Variants in LMX1A observed in about 807,000 individuals in gnomAD.
LMX1A encodes the protein LIM homeobox transcription factor 1 alpha.
A neutral mutation model predicts 49.1 loss-of-function variants in LMX1A; 15 were observed. The ratio of observed to expected loss-of-function variants is 0.31; its 90% CI spans 0.20 to 0.47. The LOEUF (loss-of-function observed/expected upper bound fraction) is 0.47. LMX1A is among the 20% of genes least tolerant of loss of function. The probability of loss-of-function intolerance (pLI) is 1.00; values close to 1 mark genes in which losing one functional copy is unlikely to be tolerated. For synonymous variants in LMX1A, 167 were observed against 185.7 expected, an observed-to-expected ratio of 0.90 and a Z score of 0.82; for missense variants, 372 against 475.8, an observed-to-expected ratio of 0.78 and a Z score of 2.03.
At chr1:165,292,774 A>G (rs1268300053) in intron 3 of LMX1A, among the ~76,000 whole-genome samples, 5 of 152,196 alleles carry the variant, frequency 3.3e-5, no homozygotes, top group Admixed American at 3.3e-4. Context: ...TTTCCACTCT[A>G]GTCTGTTGTC....
At chr1:165,230,669 A>C (rs1201775890) in intron 4 of LMX1A, among the ~76,000 whole-genome samples, 2 of 152,376 alleles carry the variant, frequency 1.3e-5, no homozygotes, top group African/African-American at 4.8e-5. Flanking sequence ...TCTGAGAATA[A>C]AGAAACTTGG....
intron 8 of LMX1A, among the ~76,000 whole-genome samples, chr1:165,204,609 A>C (rs1471742666): frequency 6.6e-6 from 1 of 152,226 alleles, no homozygotes; most frequent in Admixed American, 6.5e-5. Flanking sequence ...CAGCTGAGAA[A>C]TCACTGCAAC....
intron 3 of LMX1A, among the ~76,000 whole-genome samples, chr1:165,284,613 A>C (rs996034067): frequency 6.6e-6 from 1 of 152,234 alleles, no homozygotes; most frequent in Non-Finnish European, 1.5e-5. Flanking sequence ...AGCTGATATT[A>C]GCGAGCAGTG....
intron 3 of LMX1A, among the ~76,000 whole-genome samples, chr1:165,287,051 G>T (rs1252877343): frequency 2.0e-5 from 3 of 152,048 alleles, no homozygotes; most frequent in African/African-American, 7.3e-5. Flanking sequence ...TATGTTAATA[G>T]AAAGAATAAA....
intron 4 of LMX1A, among the ~76,000 whole-genome samples, chr1:165,248,453 G>A (rs900557411): frequency 6.6e-6 from 1 of 152,104 alleles, no homozygotes; most frequent in Non-Finnish European, 1.5e-5. Flanking sequence ...TAAGATGAAT[G>A]CTGAGCTGTG....
chr1:165,233,385 G>T (rs1652306607), intron 4 of LMX1A, among the ~76,000 whole-genome samples: 1 of 152,194 alleles, frequency 6.6e-6, no homozygotes, highest in Non-Finnish European at 1.5e-5. Flanking sequence ...AGCCCAAGAG[G>T]TTGAGACTGC....
At chr1:165,237,045 A>G (rs944764310) in intron 4 of LMX1A, among the ~76,000 whole-genome samples, 3 of 152,192 alleles carry the variant, frequency 2.0e-5, no homozygotes, top group South Asian at 2.1e-4. Flanking sequence ...CTCTGTACTC[A>G]AAAGTATTTG....
intron 3 of LMX1A, among the ~76,000 whole-genome samples, chr1:165,311,206 A>G (rs1161816809): frequency 1.3e-5 from 2 of 152,254 alleles, no homozygotes; most frequent in African/African-American, 2.4e-5. Context: ...TGCATTATTC[A>G]TCAGAGATTT....
intron 4 of LMX1A, among the ~76,000 whole-genome samples, chr1:165,246,099 T>C (rs1272640238): frequency 6.6e-6 from 1 of 152,186 alleles, no homozygotes; most frequent in Non-Finnish European, 1.5e-5. Flanking sequence ...TAAAGTTGTT[T>C]GCTTTCTGTT....
intron 3 of LMX1A, among the ~76,000 whole-genome samples, chr1:165,306,649 A>G (rs967057589): frequency 6.6e-6 from 1 of 152,186 alleles, no homozygotes; most frequent in African/African-American, 2.4e-5. Flanking sequence ...CTCTTTCTGT[A>G]TTTTCCTGTA....
intron 4 of LMX1A, among the ~76,000 whole-genome samples, chr1:165,238,498 A>G (rs936423247): frequency 3.9e-5 from 6 of 152,180 alleles, no homozygotes; most frequent in Admixed American, 6.5e-5. Context: ...AAAGCCTCCT[A>G]TTGCCTTAGA....
intron 3 of LMX1A, among the ~76,000 whole-genome samples, chr1:165,260,008 G>C (rs1057145234): frequency 1.2e-4 from 18 of 152,168 alleles, no homozygotes; most frequent in African/African-American, 4.1e-4. Context: ...TCAAGCCAAG[G>C]TGGCACAACT....
chr1:165,281,949 T>C (rs894450024), intron 3 of LMX1A, among the ~76,000 whole-genome samples: 1 of 152,188 alleles, frequency 6.6e-6, no homozygotes, highest in African/African-American at 2.4e-5. Flanking sequence ...TTAGATCTCT[T>C]GTGATCAATG....
intron 3 of LMX1A, 78 bp from the exon 4 acceptor site, chr1:165,249,718 G>T: frequency 9.8e-7 from 1 of 1,020,024 alleles, no homozygotes; most frequent in South Asian, 1.4e-5. Context: ...GAAGTCAACA[G>T]CAAAAGGAAC....
chr1:165,229,003 C>T (rs1304131636), intron 4 of LMX1A, among the ~76,000 whole-genome samples: 3 of 152,020 alleles, frequency 2.0e-5, no homozygotes, highest in Non-Finnish European at 4.4e-5. Context: ...TGCATCACCT[C>T]TAGGAATAGT....
intron 3 of LMX1A, among the ~76,000 whole-genome samples, chr1:165,309,437 G>A (rs556165723): frequency 1.9e-4 from 29 of 152,256 alleles, no homozygotes; most frequent in Admixed American, 6.5e-4. Flanking sequence ...GTTACCCTCC[G>A]CCAGAGACGC....
intron 3 of LMX1A, among the ~76,000 whole-genome samples, chr1:165,326,634 G>A (rs1655588965): frequency 6.6e-6 from 1 of 152,150 alleles, no homozygotes; most frequent in South Asian, 2.1e-4. Flanking sequence ...CTGGCCGCCT[G>A]GCCTGTTGAT....
intron 4 of LMX1A, chr1:165,219,062 CCTTT>C: frequency 1.3e-5 from 2 of 152,290 alleles, no homozygotes; most frequent in East Asian, 3.9e-4. Flanking sequence ...TTTCTCAGGG[CCTTT>C]CTTTCCCCTT....
intron 3 of LMX1A, among the ~76,000 whole-genome samples, chr1:165,314,118 A>G (rs1439623289): frequency 6.6e-6 from 1 of 152,218 alleles, no homozygotes. Flanking sequence ...ATAACTCCAC[A>G]AGCTCACACC....
Sources: allele counts gnomAD v4.1 joint callset (sites outside exome capture counted in the v4.1 genomes callset), GRCh38; gene constraint gnomAD v4.1.1; transcripts MANE v1.5; gene names NCBI Gene and HGNC (gene_info 2026-07-23, HGNC 2026-07-21).